RASA3: variants seen among roughly 807,000 people sequenced by gnomAD.
RASA3 encodes RAS p21 protein activator 3.
In RASA3, 73 loss-of-function variants were observed where a neutral mutation model predicts 110.0. The observed-to-expected ratio is 0.66, with a 90% CI of 0.55 to 0.81. The LOEUF is 0.81. Ranked by LOEUF, RASA3 falls within the 30% of genes least tolerant of loss-of-function variation. The pLI is 0.00. For missense variants in RASA3, 976 were observed against 1,113.2 expected, an observed-to-expected ratio of 0.88 and a Z score of 1.75; for synonymous variants, 500 against 451.4, an observed-to-expected ratio of 1.11 and a Z score of -1.37.
chr13:114,000,712 C>T, intron 19 of RASA3, 114 bp downstream of exon 19: 2 of 816,390 alleles, frequency 2.4e-6, no homozygotes, highest in Non-Finnish European at 4.1e-6. Flanking sequence ...GCCCCGGGCT[C>T]TGCCCGCAGC....
At chr13:113,998,301 AG>A (rs1566457095) in intron 20 of RASA3, among the ~76,000 whole-genome samples, 32 of 150,934 alleles carry the variant, frequency 2.1e-4, no homozygotes, top group East Asian at 1.4e-3. Flanking sequence ...TCCTCTTCCC[AG>A]CCCTCCTCTT....
intron 1 of RASA3, among the ~76,000 whole-genome samples, chr13:114,075,512 G>C (rs2079655856): frequency 8.1e-6 from 1 of 123,012 alleles, no homozygotes; most frequent in Admixed American, 7.9e-5. Context: ...TCCCGTGTCG[G>C]CGCCGCGTAT....
At chr13:114,053,551 C>T (rs951883171) in intron 2 of RASA3, among the ~76,000 whole-genome samples, 2 of 152,260 alleles carry the variant, frequency 1.3e-5, no homozygotes, top group African/African-American at 2.4e-5. Flanking sequence ...GGAAGGTCAA[C>T]GTGCTGGGCC....
intron 2 of RASA3, among the ~76,000 whole-genome samples, chr13:114,069,886 C>T (rs55897171): frequency 9.2e-5 from 1 of 10,878 alleles, no homozygotes; most frequent in African/African-American, 6.4e-4. Context: ...ACTCAGGGGC[C>T]GGGAGACTCA....
At chr13:113,989,686 CGTCA>C (rs912914186) in intron 22 of RASA3, among the ~76,000 whole-genome samples, 1 of 151,448 alleles carries the variant, frequency 6.6e-6, no homozygotes, top group African/African-American at 2.4e-5. Context: ...TCCATCCACC[CGTCA>C]CTCACCCATC....
chr13:114,060,717 G>A (rs2079324597), intron 2 of RASA3, among the ~76,000 whole-genome samples: 1 of 152,268 alleles, frequency 6.6e-6, no homozygotes, highest in Non-Finnish European at 1.5e-5. Context: ...GCTCAGGCCA[G>A]GACTGTCCCC....
At chr13:114,055,852 G>A (rs995460493) in intron 2 of RASA3, among the ~76,000 whole-genome samples, 5 of 152,210 alleles carry the variant, frequency 3.3e-5, no homozygotes, top group African/African-American at 1.2e-4. Flanking sequence ...GAAGCCCAGC[G>A]GGAGCACGCA....
At chr13:114,070,322 G>A (rs1195694305) in intron 2 of RASA3, among the ~76,000 whole-genome samples, 1 of 151,972 alleles carries the variant, frequency 6.6e-6, no homozygotes, top group African/African-American at 2.4e-5. Flanking sequence ...AAACTCCCCA[G>A]CATGTGGGGC....
chr13:114,089,300 G>GGGGGGGAGGA, intron 1 of RASA3, among the ~76,000 whole-genome samples: 3 of 149,086 alleles, frequency 2.0e-5, no homozygotes, highest in Non-Finnish European at 3.0e-5. Context: ...GCGGGGAGGA[G>GGGGGGGAGGA]GGGGGGAGGA....
rs894896344 is a variant in RASA3, at chr13:113,978,590, A to T, written c.*757T>A. 6.6e-6 allele frequency: 1 copy of T among 152,180 alleles called. No homozygotes were observed. Among genetic ancestry groups the T allele is most frequent in the African/African-American group, 2.4e-5 (1 of 41,438 alleles). The allele number at this position is 152,180 out of a possible 1,614,324, so 9.4% of individuals were successfully genotyped here. A position where few individuals can be genotyped will look rare whatever the true frequency, so the allele number is the denominator to read the frequency against. ...GATTTTAAACCCCATTCAACAGCAA[A>T]ACGATGTGGGCTTCAACTGTGGGCT... On this transcript the variant is annotated 3_prime_UTR_variant, in exon 24 of 24. Transcript: ENST00000334062.
chr13:114,077,102 G>A (rs535390662), intron 1 of RASA3, among the ~76,000 whole-genome samples: 1 of 152,320 alleles, frequency 6.6e-6, no homozygotes, highest in South Asian at 2.1e-4. Context: ...GGTGTTTGTG[G>A]ATAATACGGA....
chr13:113,982,007 A>G, intron 22 of RASA3, 149 bp from the exon 23 acceptor site: 1 of 687,434 alleles, frequency 1.5e-6, no homozygotes, highest in Non-Finnish European at 2.3e-6. Flanking sequence ...TCGTAAACGC[A>G]GACGGAGATA....
At chr13:114,075,333 C>T (rs1378094974) in intron 1 of RASA3, among the ~76,000 whole-genome samples, 1 of 152,220 alleles carries the variant, frequency 6.6e-6, no homozygotes, top group South Asian at 2.1e-4. Flanking sequence ...GGCATGCCAG[C>T]AACTCCAAAG....
intron 22 of RASA3, among the ~76,000 whole-genome samples, chr13:113,989,525 C>T (rs901129651): frequency 6.6e-6 from 1 of 150,386 alleles, no homozygotes; most frequent in African/African-American, 2.5e-5. Context: ...CCCATCCGTC[C>T]ATCCACCATC....
At chr13:114,033,264 C>T (rs1320098148) in intron 4 of RASA3, among the ~76,000 whole-genome samples, 10 of 73,558 alleles carry the variant, frequency 1.4e-4, no homozygotes, top group Admixed American at 4.7e-4. Context: ...CTTGACACCA[C>T]GTTCCATGGC....
Position 114,065,518 on chromosome 13 carries a change from G to C in RASA3, c.173+8202C>G, listed in dbSNP as rs1195632212. Among the ~76,000 whole-genome samples, 1 of 152,214 alleles carries C rather than the reference G, an allele frequency of 6.6e-6. No homozygotes were observed. Among genetic ancestry groups the C allele is most frequent in the Non-Finnish European group, 1.5e-5 (1 of 68,032 alleles). ...GTCACTGCCTGACTCATCCTCAGAG[G>C]CGCCCCACAGAGAAGGGGCAACTTG... On this transcript the variant is annotated intron_variant, in intron 2 of 23. Transcript: ENST00000334062. This position sits in a 1 kb window ranked among gnomAD's most constrained non-coding sequence, Gnocchi z 4.1.
chr13:114,082,681 A>C (rs770633190), intron 1 of RASA3, among the ~76,000 whole-genome samples: 9 of 152,064 alleles, frequency 5.9e-5, no homozygotes, highest in Non-Finnish European at 1.0e-4. Flanking sequence ...ACTTTCCTTA[A>C]CCCAAGCAAC....
intron 20 of RASA3, among the ~76,000 whole-genome samples, chr13:113,997,139 C>T (rs1184937603): frequency 1.3e-5 from 2 of 152,212 alleles, no homozygotes; most frequent in Admixed American, 6.5e-5. Flanking sequence ...ACGTGGTGCT[C>T]GTGCTGTGTC....
At chr13:114,060,288 C>G (rs1232201081) in intron 2 of RASA3, among the ~76,000 whole-genome samples, 9 of 152,216 alleles carry the variant, frequency 5.9e-5, no homozygotes, top group African/African-American at 2.2e-4. Context: ...CATTTCACCA[C>G]AGCAGCTGGG....
Sources: allele counts gnomAD v4.1 joint callset (sites outside exome capture counted in the v4.1 genomes callset), GRCh38; gene constraint gnomAD v4.1.1; non-coding constraint Gnocchi (gnomAD v3.1); transcripts MANE v1.5; gene names NCBI Gene and HGNC (gene_info 2026-07-23, HGNC 2026-07-21).